DNAJC24: variants seen among roughly 807,000 people sequenced by gnomAD.
DNAJC24 encodes dnaJ homolog subfamily C member 24.
Under a neutral mutation model 18.0 loss-of-function variants are expected in DNAJC24, and 17 were observed. The observed-to-expected ratio is 0.94, with a 90% confidence interval of 0.65 to 1.42. The LOEUF (loss-of-function observed/expected upper bound fraction) is 1.42, where lower values mean the gene tolerates loss of function less well. DNAJC24 is among the 40% of genes most tolerant of loss of function. The probability of loss-of-function intolerance (pLI) is 0.00; values close to 1 mark genes in which losing one functional copy is unlikely to be tolerated. For missense variants in DNAJC24, 158 were observed against 175.6 expected, an observed-to-expected ratio of 0.90 and a Z score of 0.57; for synonymous variants, 55 against 57.7, an observed-to-expected ratio of 0.95 and a Z score of 0.21.
intron 2 of DNAJC24, among the ~76,000 whole-genome samples, chr11:31,401,234 G>A (rs1952598415): frequency 6.6e-6 from 1 of 152,162 alleles, no homozygotes; most frequent in South Asian, 2.1e-4. Flanking sequence ...AATAGATGCT[G>A]GCAAGGCTGT....
chr11:31,426,965 C>G (rs1196016853), intron 4 of DNAJC24: 3 of 152,104 alleles, frequency 2.0e-5, no homozygotes, highest in Non-Finnish European at 4.4e-5. Flanking sequence ...CCCTATTCTT[C>G]TGATGGTTCC....
intron 2 of DNAJC24, among the ~76,000 whole-genome samples, chr11:31,380,841 T>G (rs1952369735): frequency 6.6e-6 from 1 of 152,166 alleles, no homozygotes; most frequent in Non-Finnish European, 1.5e-5. Context: ...TGCTTTCTGT[T>G]GCTATAGATT....
chr11:31,432,482 C>A lies in DNAJC24; in HGVS notation c.*2081C>A. 1 of 1,584,266 alleles carries A rather than the reference C, an allele frequency of 6.3e-7. No homozygotes were observed. The highest frequency in any genetic ancestry group is 1.1e-5 in the South Asian group (1 of 90,318). On this transcript the variant is annotated 3_prime_UTR_variant, in exon 5 of 5. Transcript: ENST00000465995. ...CATGAAAAGGAGACAATAATCAAGTCAAAAGAATAAATGCTTACTAATCAT... is the reference window on the plus strand; with the variant it reads ...CATGAAAAGGAGACAATAATCAAGTAAAAAGAATAAATGCTTACTAATCAT...
At chr11:31,389,163 A>G (rs1952461784) in intron 2 of DNAJC24, among the ~76,000 whole-genome samples, 1 of 152,192 alleles carries the variant, frequency 6.6e-6, no homozygotes, top group Non-Finnish European at 1.5e-5. Context: ...TTACTTATCA[A>G]TAATAACATT....
intron 3 of DNAJC24, chr11:31,416,492 G>T (rs536541362): frequency 6.6e-6 from 1 of 152,168 alleles, no homozygotes; most frequent in Non-Finnish European, 1.5e-5. Flanking sequence ...AGGTGTTTTT[G>T]CACATCTTTA....
In DNAJC24 at chr11:31,405,449, A is replaced by C. The variant is rs1187981448; in HGVS notation, c.112-9362A>C. Among the ~76,000 whole-genome samples the C allele has an allele frequency of 5.4e-5, 8 of 149,420 alleles. No homozygotes were observed. In the Admixed American group the frequency reaches 5.4e-4, roughly 10 times the overall value. ...CATAGCTACTGTCTTAGTCCATTTC[A>C]TGCTGCTATATCAGAATACCACAGA... On this transcript the variant is annotated intron_variant, in intron 2 of 4. Coordinates refer to ENST00000465995, the MANE Select transcript of DNAJC24 (RefSeq NM_181706.5).
chr11:31,373,164 A>T (rs530551659), intron 2 of DNAJC24, among the ~76,000 whole-genome samples: 1 of 134,186 alleles, frequency 7.5e-6, no homozygotes, highest in Non-Finnish European at 1.7e-5. Context: ...GTGTCTTTTG[A>T]TGCAGAGTTT....
At chr11:31,371,658 A>G (rs1156708587) in intron 2 of DNAJC24, among the ~76,000 whole-genome samples, 2 of 152,064 alleles carry the variant, frequency 1.3e-5, no homozygotes, top group African/African-American at 2.4e-5. Context: ...TGTGTTTTAT[A>G]TACATAATAT....
At chr11:31,394,529 T>TTC (rs753682252) in intron 2 of DNAJC24, among the ~76,000 whole-genome samples, 1 of 152,112 alleles carries the variant, frequency 6.6e-6, no homozygotes, top group Non-Finnish European at 1.5e-5. Flanking sequence ...CTGTTTTTTT[T>TTC]TCATAATGCA....
At chr11:31,379,564 T>C (rs367744208) in intron 2 of DNAJC24, among the ~76,000 whole-genome samples, 1 of 152,150 alleles carries the variant, frequency 6.6e-6, no homozygotes, top group Non-Finnish European at 1.5e-5. Context: ...TGTTGACTCA[T>C]AATGGATGCA....
intron 2 of DNAJC24, among the ~76,000 whole-genome samples, chr11:31,377,248 C>T (rs1189798424): frequency 6.6e-6 from 1 of 152,056 alleles, no homozygotes; most frequent in Non-Finnish European, 1.5e-5. Context: ...GCTGAGTTTA[C>T]AATACATATT....
At chr11:31,403,484 G>T (rs1417633879) in intron 2 of DNAJC24, among the ~76,000 whole-genome samples, 2 of 152,262 alleles carry the variant, frequency 1.3e-5, no homozygotes, top group East Asian at 3.9e-4. Context: ...TGAAGCAGGG[G>T]CTTACAAAAT....
At chr11:31,415,072 C>T in intron 3 of DNAJC24, 123 bp downstream of exon 3, 3 of 1,052,244 alleles carry the variant, frequency 2.9e-6, no homozygotes, top group Non-Finnish European at 4.0e-6. Flanking sequence ...TATTCCTCCC[C>T]TCCATCACTG....
At chr11:31,390,916 G>A (rs1319841391) in intron 2 of DNAJC24, among the ~76,000 whole-genome samples, 1 of 151,932 alleles carries the variant, frequency 6.6e-6, no homozygotes, top group Non-Finnish European at 1.5e-5. Context: ...CATCAAAAAA[G>A]GAAAACATAG....
intron 2 of DNAJC24, among the ~76,000 whole-genome samples, chr11:31,396,573 G>T (rs1307578528): frequency 1.3e-5 from 2 of 152,058 alleles, no homozygotes. Context: ...TCCCGCCTTT[G>T]ATCTTCAGCA....
chr11:31,390,710 A>T (rs1014421978), intron 2 of DNAJC24, among the ~76,000 whole-genome samples: 1 of 150,146 alleles, frequency 6.7e-6, no homozygotes, highest in Non-Finnish European at 1.5e-5. Flanking sequence ...CATCTTAAAA[A>T]AAAAAAAAAA....
chr11:31,405,343 T>C (rs1952646847), intron 2 of DNAJC24, among the ~76,000 whole-genome samples: 1 of 151,898 alleles, frequency 6.6e-6, no homozygotes, highest in Non-Finnish European at 1.5e-5. Context: ...GTGCTGGGAT[T>C]ACAGGCATGA....
In DNAJC24 at chr11:31,370,770, C is replaced by T; in HGVS notation, c.22C>T (p.Pro8Ser). 6.2e-7 allele frequency: 1 copy of T among 1,608,628 alleles called. No individual in the cohort carries two copies. Among genetic ancestry groups the T allele is most frequent in the Non-Finnish European group, 8.5e-7 (1 of 1,178,130 alleles). MMAVEQMPKKDWYSILGA... is the reference protein window; with the variant it reads MMAVEQMSKKDWYSILGA... ...ATGGATGATGGCGGTTGAGCAGATG[C>T]CAAAAAAGGATTGGTACAGCATCCT... The change falls in exon 2 of 5, where the codon CCA becomes TCA. Residue 8 changes from proline (P) to serine (S), a missense_variant. By Grantham distance (74) the Pro-to-Ser change is moderately conservative. Transcript: ENST00000465995.
chr11:31,425,168 TC>T (rs1470102785), intron 3 of DNAJC24, among the ~76,000 whole-genome samples: 2 of 152,068 alleles, frequency 1.3e-5, no homozygotes, highest in African/African-American at 4.8e-5. Flanking sequence ...CCTTGGACCT[TC>T]CATCTGCAGC....
Sources: allele counts gnomAD v4.1 joint callset (sites outside exome capture counted in the v4.1 genomes callset), GRCh38; gene constraint gnomAD v4.1.1; transcripts MANE v1.5; gene names NCBI Gene and HGNC (gene_info 2026-07-23, HGNC 2026-07-21).